The following TOX3 variants were observed in gnomAD, a reference collection of about 807,000 sequenced individuals.
TOX3 encodes CAG trinucleotide repeat-containing gene F9 protein.
TOX3 carries 22 observed loss-of-function variants against 64.3 expected under a neutral mutation model. The ratio of observed to expected loss-of-function variants is 0.34; its 90% CI spans 0.24 to 0.49. The LOEUF is 0.49. Among genes scored for constraint, TOX3 ranks in the 20% least tolerant of loss-of-function variants. The pLI is 0.99. For missense variants in TOX3, 661 were observed against 714.4 expected, an observed-to-expected ratio of 0.93 and a Z score of 0.85; for synonymous variants, 291 against 273.6, an observed-to-expected ratio of 1.06 and a Z score of -0.63.
At chr16:52,533,017 G>A (rs1036528635) in intron 1 of TOX3, among the ~76,000 whole-genome samples, 2 of 152,208 alleles carry the variant, frequency 1.3e-5, no homozygotes, top group African/African-American at 4.8e-5. Flanking sequence ...TGAGAAGACA[G>A]TGTCAGTAAC....
intron 1 of TOX3, among the ~76,000 whole-genome samples, chr16:52,526,066 A>G (rs1386149801): frequency 6.6e-6 from 1 of 152,212 alleles, no homozygotes; most frequent in African/African-American, 2.4e-5. Context: ...TGGCTTAAGT[A>G]TTCTCATACT....
intron 2 of TOX3, among the ~76,000 whole-genome samples, chr16:52,465,397 T>C (rs1311563200): frequency 6.6e-6 from 1 of 151,306 alleles, no homozygotes; most frequent in African/African-American, 2.4e-5. Flanking sequence ...ACACTAACCA[T>C]TTTTGGGGGG....
At chr16:52,493,861 T>C (rs1010632774) in intron 1 of TOX3, among the ~76,000 whole-genome samples, 5 of 152,162 alleles carry the variant, frequency 3.3e-5, no homozygotes, top group Non-Finnish European at 7.3e-5. Flanking sequence ...ACTGCCACAC[T>C]CCTTATATTC....
chr16:52,477,173 G>A (rs117573200), intron 1 of TOX3, among the ~76,000 whole-genome samples: 1,538 of 152,222 alleles, frequency 0.01, 9 homozygotes, highest in Admixed American at 0.02. Context: ...GGGAGTGAGT[G>A]AAGCTTCAGA....
At chr16:52,491,737 T>C (rs1040645227) in intron 1 of TOX3, among the ~76,000 whole-genome samples, 2 of 152,196 alleles carry the variant, frequency 1.3e-5, no homozygotes, top group Non-Finnish European at 2.9e-5. Flanking sequence ...AATATGTATT[T>C]TCTGCATAGA....
intron 1 of TOX3, among the ~76,000 whole-genome samples, chr16:52,487,405 G>T (rs1211030244): frequency 1.3e-5 from 2 of 152,080 alleles, no homozygotes; most frequent in Non-Finnish European, 2.9e-5. Flanking sequence ...TTCACTACTA[G>T]GGAGTGTCAT....
At chr16:52,472,666 A>G (rs561103158) in intron 1 of TOX3, among the ~76,000 whole-genome samples, 1 of 152,194 alleles carries the variant, frequency 6.6e-6, no homozygotes, top group African/African-American at 2.4e-5. Flanking sequence ...AAATATTCCA[A>G]ATAAACTAAA....
chr16:52,510,179 T>A (rs922044967), intron 1 of TOX3, among the ~76,000 whole-genome samples: 1 of 149,642 alleles, frequency 6.7e-6, no homozygotes. Flanking sequence ...ACTTACAAGA[T>A]AAAAGGCAAG....
At chr16:52,514,405 T>G (rs1424230441) in intron 1 of TOX3, among the ~76,000 whole-genome samples, 1 of 152,210 alleles carries the variant, frequency 6.6e-6, no homozygotes, top group Admixed American at 6.5e-5. Context: ...AAATTTAACT[T>G]CACATTATGA....
chr16:52,452,695 A>G (rs1380306673), intron 3 of TOX3, among the ~76,000 whole-genome samples: 2 of 149,358 alleles, frequency 1.3e-5, no homozygotes, highest in African/African-American at 4.9e-5. Context: ...TAAAAAAAAG[A>G]AATGGAAAAA....
intron 3 of TOX3, among the ~76,000 whole-genome samples, chr16:52,453,836 T>C (rs911064116): frequency 1.3e-5 from 2 of 152,194 alleles, no homozygotes; most frequent in Non-Finnish European, 2.9e-5. Flanking sequence ...TTTATGCCTT[T>C]ATTATGGATC....
rs1383882770 is a variant in TOX3, at chr16:52,547,061, G to C, written c.-338C>G. 1 of 597,792 alleles carries C rather than the reference G, an allele frequency of 1.7e-6. No individual in the cohort carries two copies. The highest frequency in any genetic ancestry group is 2.1e-6 in the Non-Finnish European group (1 of 478,080). The allele number at this position is 597,792 out of a possible 1,614,324, so 37.0% of individuals were successfully genotyped here. On this transcript the variant is annotated 5_prime_UTR_variant, in exon 1 of 7. Coordinates refer to ENST00000219746, the MANE Select transcript of TOX3 (RefSeq NM_001080430.4). The stretch of plus-strand genomic sequence containing the variant: ...AGGCGAGTTCAGGTGCGCTGGGCGA[G>C]GCTGGGACGGCGGCGGCGGCGGCGG...
chr16:52,545,331 A>C (rs939723316), intron 1 of TOX3, among the ~76,000 whole-genome samples: 10 of 152,216 alleles, frequency 6.6e-5, no homozygotes, highest in African/African-American at 2.4e-4. Context: ...TCTGTGCCAG[A>C]CGCTGAGCTG....
In TOX3 at chr16:52,439,469, T is replaced by C; in HGVS notation, c.1487A>G (p.His496Arg). 4 of 1,339,708 alleles carry C rather than the reference T, an allele frequency of 3.0e-6. No individual in the cohort carries two copies. The highest frequency in any genetic ancestry group is 3.1e-6 in the Non-Finnish European group (3 of 955,734). The allele number at this position is 1,339,708 out of a possible 1,614,324, so 83.0% of individuals were successfully genotyped here. Residue 496 changes from histidine to arginine, a missense_variant, in exon 7 of 7, where the codon CAT (histidine) becomes CGT (arginine). His to Arg is a conservative substitution (Grantham distance 29). Coordinates refer to ENST00000219746, the MANE Select transcript of TOX3 (RefSeq NM_001080430.4). ...CTGTTGATTAATTTGCTGCTGGAGATGCTGCTGCTGCTGCTGCAGGTGCTG... is the reference window on the plus strand; with the variant it reads ...CTGTTGATTAATTTGCTGCTGGAGACGCTGCTGCTGCTGCTGCAGGTGCTG... ...MQQHLQQQQQ[H>R]LQQQINQQQL...
chr16:52,483,565 T>G (rs1002759818), intron 1 of TOX3, among the ~76,000 whole-genome samples: 1 of 37,498 alleles, frequency 2.7e-5, no homozygotes. Flanking sequence ...GGCAGTTTGG[T>G]TTTTTTTTTT....
intron 1 of TOX3, among the ~76,000 whole-genome samples, chr16:52,503,594 G>A (rs1962064937): frequency 6.6e-6 from 1 of 152,224 alleles, no homozygotes; most frequent in East Asian, 1.9e-4. Context: ...AGTATAACCT[G>A]AGTTTTTTAA....
chr16:52,470,720 G>A (rs889220986), intron 1 of TOX3, among the ~76,000 whole-genome samples: 5 of 152,326 alleles, frequency 3.3e-5, no homozygotes, highest in African/African-American at 1.2e-4. Flanking sequence ...GCACACTGAT[G>A]AGCAGAGCAG....
intron 3 of TOX3, among the ~76,000 whole-genome samples, chr16:52,462,653 T>C (rs1046465613): frequency 6.6e-6 from 1 of 152,096 alleles, no homozygotes; most frequent in African/African-American, 2.4e-5. Flanking sequence ...CCCATTTTAT[T>C]TTTATTCTTT....
At chr16:52,478,558 G>A (rs117772119) in intron 1 of TOX3, among the ~76,000 whole-genome samples, 5,623 of 152,140 alleles carry the variant, frequency 0.037, 145 homozygotes, top group Non-Finnish European at 0.058. Flanking sequence ...ATTTCTCTCC[G>A]TTCTAGAATA....
Sources: gnomAD v4.1 joint callset for allele counts (sites outside exome capture counted in the v4.1 genomes callset) on GRCh38, gnomAD v4.1.1 for gene constraint, MANE v1.5 for transcripts, NCBI Gene and HGNC (gene_info 2026-07-23, HGNC 2026-07-21) for gene names.